SPATS2: variants seen among roughly 807,000 people sequenced by gnomAD.
SPATS2 encodes the protein spermatogenesis associated serine rich 2.
In SPATS2, 38 loss-of-function variants were observed where a neutral mutation model predicts 63.7. The ratio of observed to expected loss-of-function variants is 0.60; its 90% CI spans 0.46 to 0.78. The LOEUF (loss-of-function observed/expected upper bound fraction) is 0.78. Among genes scored for constraint, SPATS2 ranks in the 30% least tolerant of loss-of-function variants. The pLI is 0.00. For missense variants in SPATS2, 588 were observed against 666.2 expected (o/e 0.88, Z 1.29); for synonymous variants, 207 against 232.9 (o/e 0.89, Z 1.01).
intron 9 of SPATS2, among the ~76,000 whole-genome samples, chr12:49,514,259 G>T (rs893578391): frequency 6.6e-6 from 1 of 151,926 alleles, no homozygotes; most frequent in African/African-American, 2.4e-5. Context: ...TTTGTAGCTT[G>T]CTACTGCCAT....
chr12:49,524,985 C>G lies in SPATS2; in HGVS notation c.1326+89C>G. On this transcript the variant is annotated intron_variant, in intron 13 of 13. Transcript: ENST00000552918. Reference sequence around the variant, plus strand: ...GCTGTTAGCTCAGTATATTATCTTCCTCTCTATTCCCATTCCATGCCTGTT... The same window carrying G: ...GCTGTTAGCTCAGTATATTATCTTCGTCTCTATTCCCATTCCATGCCTGTT... The G allele has an allele frequency of 3.1e-6, 4 of 1,270,904 alleles. No individual in the cohort carries two copies. In the East Asian group the frequency reaches 7.3e-5, roughly 23 times the overall value. 78.7% of individuals were successfully genotyped at this position (1,270,904 alleles called of 1,614,324 possible). A position where few individuals can be genotyped will look rare whatever the true frequency, so the allele number is the denominator to read the frequency against.
chr12:49,379,517 C>T (rs1339002947), intron 2 of SPATS2, among the ~76,000 whole-genome samples: 2 of 135,210 alleles, frequency 1.5e-5, no homozygotes, highest in African/African-American at 5.6e-5. Context: ...CGCCACTGCA[C>T]TCCAGCATGG....
rs369592863 is a variant in SPATS2, at chr12:49,453,183, T to C, written c.-243-7587T>C. Among the ~76,000 whole-genome samples, 72 of 148,970 alleles carry C rather than the reference T, an allele frequency of 4.8e-4. No individual in the cohort carries two copies. The South Asian group carries it at 0.012, about 26-fold the overall frequency. On this transcript the variant is annotated intron_variant, in intron 2 of 13. Coordinates refer to ENST00000552918, the MANE Select transcript of SPATS2 (RefSeq NM_023071.4). ...CTCAAAAAAAAAAAAAAAAAGAAATTTGGAGTCTGTTTGCGAAGTGTAGCA... is the reference window on the plus strand; with the variant it reads ...CTCAAAAAAAAAAAAAAAAAGAAATCTGGAGTCTGTTTGCGAAGTGTAGCA...
intron 3 of SPATS2, among the ~76,000 whole-genome samples, chr12:49,469,360 A>G (rs1305740372): frequency 7.2e-6 from 1 of 139,312 alleles, no homozygotes; most frequent in East Asian, 2.1e-4. Flanking sequence ...ACTGCATTCC[A>G]TCCTGGGCAA....
chr12:49,492,320 AGTAATTCTCAT>A (rs1486703292), intron 6 of SPATS2, among the ~76,000 whole-genome samples: 1 of 151,602 alleles, frequency 6.6e-6, no homozygotes, highest in Non-Finnish European at 1.5e-5. Context: ...CCTGGGTTCA[AGTAATTCTCAT>A]GCCTCAGCCT....
chr12:49,488,518 C>T (rs1182971090), intron 4 of SPATS2, among the ~76,000 whole-genome samples: 11 of 151,908 alleles, frequency 7.2e-5, no homozygotes, highest in Admixed American at 5.9e-4. Flanking sequence ...ATTAGCTGGA[C>T]GTGGTGGCAC....
rs71812288 is a variant in SPATS2 at position 49,500,032 on chromosome 12, C to CTTT, written c.704-27_704-25dup. 97 of 1,116,318 alleles carry CTTT rather than the reference C, an allele frequency of 8.7e-5. No homozygotes were observed. In the African/African-American group the frequency reaches 9.0e-4, roughly 10 times the overall value. The allele number at this position is 1,116,318 out of a possible 1,614,324, so 69.2% of individuals were successfully genotyped here. ...CTTTCAAGTTACCTATATAATTATT[C>CTTT]TTTTTTTTTTTTTAATATTTCGGTT... is the stretch of plus-strand genomic sequence containing the variant. On this transcript the variant is annotated intron_variant, in intron 8 of 13. Coordinates refer to ENST00000552918, the MANE Select transcript of SPATS2 (RefSeq NM_023071.4).
chr12:49,494,993 G>A lies in SPATS2; in HGVS notation c.517G>A (p.Asp173Asn), dbSNP rs151243398. The A allele has an allele frequency of 5.1e-4, 820 of 1,600,994 alleles. 1 individual carries two copies. Among genetic ancestry groups the A allele is most frequent in the Admixed American group, 1.2e-3 (67 of 57,290 alleles). The change falls in exon 7 of 14, where the codon GAT becomes AAT. Residue 173 changes from aspartate (D) to asparagine (N), a missense_variant. By Grantham distance (23) the Asp-to-Asn change is conservative. Transcript: ENST00000552918. ...CGAGTCTGCCATGCTAGATACGCTG[G>A]ATAGAACAGGTGAGTTTATTAACAG... ...DPESAMLDTL[D>N]RTGSMLQNGV...
intron 10 of SPATS2, among the ~76,000 whole-genome samples, chr12:49,516,153 AAAAAAAAAAAAAAATATATATAT>A (rs1946837338): frequency 4.6e-5 from 2 of 43,760 alleles, no homozygotes; most frequent in African/African-American, 1.8e-4. Flanking sequence ...AAAAAAAAAA[AAAAAAAAAAAAAAATATATATAT>A]ATATATATAT....
At chr12:49,428,587 T>TTA (rs528855308) in intron 2 of SPATS2, among the ~76,000 whole-genome samples, 326 of 152,366 alleles carry the variant, frequency 2.1e-3, no homozygotes, top group African/African-American at 7.3e-3. Flanking sequence ...TTCATCCATG[T>TTA]TATAGCACCT....
At chr12:49,488,136 C>G (rs774339757) in intron 4 of SPATS2, among the ~76,000 whole-genome samples, 6 of 151,956 alleles carry the variant, frequency 3.9e-5, no homozygotes, top group African/African-American at 4.8e-5. Flanking sequence ...CCTCCACCTC[C>G]CGGGTTCAAG....
chr12:49,516,170 T>A (rs1174859443), intron 10 of SPATS2, among the ~76,000 whole-genome samples: 830 of 14,840 alleles, frequency 0.056, 61 homozygotes, highest in South Asian at 0.083. Context: ...AAAAAAAATA[T>A]ATATATATAT....
In SPATS2 at chr12:49,422,261, G is replaced by A. The variant is rs570546711; in HGVS notation, c.-243-38509G>A. ...CCAGCTCTTTGTTCTTGGGAAACTC[G>A]CAAACCTCAAGTTCTTCAGTTAAAT... On this transcript the variant is annotated intron_variant, in intron 2 of 13. Transcript: ENST00000552918. Among the ~76,000 whole-genome samples, 4 of 152,216 alleles carry A rather than the reference G, an allele frequency of 2.6e-5. No homozygotes were observed. In the East Asian group the frequency reaches 7.7e-4, roughly 29 times the overall value.
rs571791507 is a variant in SPATS2, at chr12:49,434,300, A to G, written c.-243-26470A>G. On this transcript the variant is annotated intron_variant, in intron 2 of 13. Coordinates refer to ENST00000552918, the MANE Select transcript of SPATS2 (RefSeq NM_023071.4). ...GAAGTTTAAATATATACATAACATA[A>G]TATTTATCGTTTTAACCATTTGTAT... Among the ~76,000 whole-genome samples the G allele has an allele frequency of 2.2e-4, 33 of 152,292 alleles. 1 individual carries two copies. Among genetic ancestry groups the G allele is most frequent in the African/African-American group, 7.0e-4 (29 of 41,562 alleles).
intron 3 of SPATS2, chr12:49,462,445 G>C (rs542885615): frequency 1.4e-6 from 1 of 702,190 alleles, no homozygotes; most frequent in South Asian, 1.5e-5. Context: ...GTGCTCTTCT[G>C]GCTCTGCCAT....
At chr12:49,462,316 G>C (rs755774129) in intron 3 of SPATS2, 1 of 702,402 alleles carries the variant, frequency 1.4e-6, no homozygotes. Flanking sequence ...TGGAGGGCAT[G>C]AGTGCTGGAA....
At chr12:49,412,616 C>G (rs940427339) in intron 2 of SPATS2, among the ~76,000 whole-genome samples, 1 of 151,876 alleles carries the variant, frequency 6.6e-6, no homozygotes, top group Non-Finnish European at 1.5e-5. Context: ...CATGGTGGCT[C>G]ATTCCTGTAA....
chr12:49,405,778 AC>A (rs1944683387), intron 2 of SPATS2, among the ~76,000 whole-genome samples: 1 of 152,224 alleles, frequency 6.6e-6, no homozygotes, highest in African/African-American at 2.4e-5. Flanking sequence ...CATTTTTAGT[AC>A]AGGGCGAGTC....
intron 1 of SPATS2, among the ~76,000 whole-genome samples, chr12:49,367,817 T>G (rs1943927733): frequency 6.9e-6 from 1 of 144,018 alleles, no homozygotes; most frequent in African/African-American, 2.6e-5. Context: ...TCCAGACGGA[T>G]AGGCCGGGGA....
Sources: gnomAD v4.1 joint callset for allele counts (sites outside exome capture counted in the v4.1 genomes callset) on GRCh38, gnomAD v4.1.1 for gene constraint, MANE v1.5 for transcripts, NCBI Gene and HGNC (gene_info 2026-07-23, HGNC 2026-07-21) for gene names.